The following LYPD6 variants were observed in gnomAD, a reference collection of about 807,000 sequenced individuals.
The protein encoded by LYPD6 is ly6/PLAUR domain-containing protein 6.
In LYPD6, 15 loss-of-function variants were observed where a neutral mutation model predicts 22.7. The observed-to-expected ratio is 0.66, with a 90% CI of 0.44 to 1.02. The LOEUF is 1.02. Ranked by LOEUF, LYPD6 falls within the 50% of genes least tolerant of loss-of-function variation. The pLI, the probability that LYPD6 is intolerant of heterozygous loss-of-function variation, is 0.00. For synonymous variants in LYPD6, 72 were observed against 77.5 expected (o/e 0.93, Z 0.37); for missense variants, 189 against 208.4 (o/e 0.91, Z 0.57).
At chr2:149,478,043 T>C (rs1274936723), downstream of LYPD6, among the ~76,000 whole-genome samples, 1 of 152,170 alleles carries the variant, frequency 6.6e-6, no homozygotes, top group African/African-American at 2.4e-5. Context: ...TCTTTGACGG[T>C]TGTAGCCCTT....
At chr2:149,412,749 A>G (rs1295720521) in intron 1 of LYPD6, among the ~76,000 whole-genome samples, 1 of 152,226 alleles carries the variant, frequency 6.6e-6, no homozygotes, top group Non-Finnish European at 1.5e-5. Flanking sequence ...ACTTTTTTTA[A>G]GCAAAAAAAG....
intron 3 of LYPD6, among the ~76,000 whole-genome samples, chr2:149,458,402 C>T (rs1681014527): frequency 6.6e-6 from 1 of 152,108 alleles, no homozygotes; most frequent in Non-Finnish European, 1.5e-5. Context: ...GGTATTGAGG[C>T]TACAACACAT....
At chr2:149,345,867 G>A (rs908672447) in intron 1 of LYPD6, among the ~76,000 whole-genome samples, 6 of 152,104 alleles carry the variant, frequency 3.9e-5, no homozygotes, top group African/African-American at 9.7e-5. Flanking sequence ...CTGAGGTCTC[G>A]TAGGTCTGTA....
At chr2:149,350,655 A>G (rs1340133851) in intron 1 of LYPD6, among the ~76,000 whole-genome samples, 1 of 152,254 alleles carries the variant, frequency 6.6e-6, no homozygotes, top group Non-Finnish European at 1.5e-5. Flanking sequence ...GATGCTACCC[A>G]TACTGGCTAC....
chr2:149,362,900 T>C (rs1487895566), intron 1 of LYPD6, among the ~76,000 whole-genome samples: 1 of 152,170 alleles, frequency 6.6e-6, no homozygotes, highest in Non-Finnish European at 1.5e-5. Flanking sequence ...CTCAAAACAG[T>C]GGCGCTTCAT....
At chr2:149,330,565 C>G (rs1680913828), upstream of LYPD6, 1 of 150,894 alleles carries the variant, frequency 6.6e-6, no homozygotes, top group Non-Finnish European at 1.5e-5. Context: ...TAGCCGCCCC[C>G]CGCCTCTCCC....
chr2:149,373,184 C>T (rs901250390), intron 1 of LYPD6, among the ~76,000 whole-genome samples: 5 of 151,918 alleles, frequency 3.3e-5, no homozygotes, highest in African/African-American at 1.2e-4. Flanking sequence ...TCCCAGGAGT[C>T]CTATAGGAGC....
At chr2:149,394,218 C>T (rs1682376642) in intron 1 of LYPD6, among the ~76,000 whole-genome samples, 1 of 152,140 alleles carries the variant, frequency 6.6e-6, no homozygotes, top group South Asian at 2.1e-4. Context: ...TCTTGTTTTC[C>T]TCTGGATGGA....
chr2:149,351,961 G>A lies in LYPD6; in HGVS notation c.-72+21239G>A, dbSNP rs1376110405. Among the ~76,000 whole-genome samples the A allele has an allele frequency of 2.6e-5, 4 of 152,122 alleles. No individual in the cohort carries two copies. In the South Asian group the frequency reaches 8.3e-4, roughly 32 times the overall value. ...AGTCTTACTGCTGCTGTGGTGAGCTGCCCCTGCCCTGCGCCAGTATCAGAA... is the reference window on the plus strand; with the variant it reads ...AGTCTTACTGCTGCTGTGGTGAGCTACCCCTGCCCTGCGCCAGTATCAGAA... On this transcript the variant is annotated intron_variant, in intron 1 of 4. Transcript: ENST00000334166.
At chr2:149,355,242 T>C (rs1559122431) in intron 1 of LYPD6, among the ~76,000 whole-genome samples, 2 of 152,176 alleles carry the variant, frequency 1.3e-5, no homozygotes, top group Non-Finnish European at 2.9e-5. Context: ...AACTTGCTAG[T>C]GTCAGTAGAA....
intron 1 of LYPD6, among the ~76,000 whole-genome samples, chr2:149,422,531 T>C (rs901490716): frequency 1.3e-5 from 2 of 152,164 alleles, no homozygotes; most frequent in Non-Finnish European, 2.9e-5. Context: ...ATTTGAAATA[T>C]GTGTACATTG....
chr2:149,446,527 A>G (rs1683692035), intron 2 of LYPD6, among the ~76,000 whole-genome samples: 1 of 152,220 alleles, frequency 6.6e-6, no homozygotes. Context: ...ATATTTGTTT[A>G]TAGTTTACAA....
At chr2:149,439,067 T>C (rs1683498284) in intron 2 of LYPD6, among the ~76,000 whole-genome samples, 1 of 152,210 alleles carries the variant, frequency 6.6e-6, no homozygotes, top group Non-Finnish European at 1.5e-5. Flanking sequence ...AGAAATAATA[T>C]CTGTAAAACA....
intron 1 of LYPD6, among the ~76,000 whole-genome samples, chr2:149,343,124 C>T (rs77784298): frequency 0.016 from 2,404 of 152,188 alleles, 59 homozygotes; most frequent in African/African-American, 0.055. Context: ...AGTGCCATAG[C>T]GTCTACAAGA....
At chr2:149,361,839 T>A (rs1310439413) in intron 1 of LYPD6, among the ~76,000 whole-genome samples, 1 of 152,110 alleles carries the variant, frequency 6.6e-6, no homozygotes, top group Non-Finnish European at 1.5e-5. Flanking sequence ...TAATTAAGGA[T>A]CCTGAGATGG....
At chr2:149,398,814 AG>A (rs764023865) in intron 1 of LYPD6, among the ~76,000 whole-genome samples, 4 of 152,202 alleles carry the variant, frequency 2.6e-5, no homozygotes, top group Non-Finnish European at 5.9e-5. Context: ...GAATGGATAG[AG>A]GAGAAGGTTT....
chr2:149,361,506 TCA>T (rs1681570516), intron 1 of LYPD6, among the ~76,000 whole-genome samples: 1 of 152,182 alleles, frequency 6.6e-6, no homozygotes. Context: ...TAAATACACA[TCA>T]CTTTCTTTGA....
At chr2:149,345,805 A>G (rs1681243915) in intron 1 of LYPD6, among the ~76,000 whole-genome samples, 1 of 152,162 alleles carries the variant, frequency 6.6e-6, no homozygotes. Context: ...ACAACTGATA[A>G]CTGTATTTTT....
At chr2:149,375,478 T>C (rs1009388011) in intron 1 of LYPD6, among the ~76,000 whole-genome samples, 4 of 152,092 alleles carry the variant, frequency 2.6e-5, no homozygotes, top group African/African-American at 9.7e-5. Context: ...ATGACGAAAA[T>C]AAAGCTCAGC....
Sources: gnomAD v4.1 joint callset for allele counts (sites outside exome capture counted in the v4.1 genomes callset) on GRCh38, gnomAD v4.1.1 for gene constraint, MANE v1.5 for transcripts, NCBI Gene and HGNC (gene_info 2026-07-23, HGNC 2026-07-21) for gene names.